The following FGF14 variants were observed in gnomAD, a reference collection of about 807,000 sequenced individuals.
FGF14 encodes fibroblast growth factor homologous factor 4.
FGF14 carries 5 observed loss-of-function variants against 25.5 expected under a neutral mutation model. The ratio of observed to expected loss-of-function variants is 0.20; its 90% confidence interval spans 0.10 to 0.41. The LOEUF (loss-of-function observed/expected upper bound fraction) is 0.41. Ranked by LOEUF, FGF14 falls within the 10% of genes least tolerant of loss-of-function variation. The pLI is 1.00. For synonymous variants in FGF14, 138 were observed against 118.3 expected (o/e 1.17, Z -1.08); for missense variants, 222 against 320.1 (o/e 0.69, Z 2.34).
chr13:102,162,689 GT>G (rs1287121116), intron 1 of FGF14, among the ~76,000 whole-genome samples: 1 of 152,136 alleles, frequency 6.6e-6, no homozygotes, highest in African/African-American at 2.4e-5. Context: ...GTGAAATTTG[GT>G]TTATAAATGG....
intron 1 of FGF14, among the ~76,000 whole-genome samples, chr13:102,016,650 C>G (rs1245245961): frequency 6.6e-6 from 1 of 152,036 alleles, no homozygotes; most frequent in East Asian, 1.9e-4. Context: ...ATCCTTTCTT[C>G]TTCCTCTTTT....
At chr13:101,808,870 T>C (rs533279977) in intron 3 of FGF14, among the ~76,000 whole-genome samples, 1 of 152,292 alleles carries the variant, frequency 6.6e-6, no homozygotes, top group East Asian at 1.9e-4. Flanking sequence ...AATCATAAAA[T>C]ATAGTAATTT....
chr13:101,834,017 C>A (rs557978293), intron 3 of FGF14, among the ~76,000 whole-genome samples: 2 of 152,092 alleles, frequency 1.3e-5, no homozygotes, highest in African/African-American at 4.8e-5. Context: ...ACCATAGCTG[C>A]TTCATTTCTG....
At chr13:102,221,800 A>T (rs573536003) in intron 1 of FGF14, among the ~76,000 whole-genome samples, 69 of 152,314 alleles carry the variant, frequency 4.5e-4, no homozygotes, top group African/African-American at 1.6e-3. Flanking sequence ...ATTTTATGTC[A>T]TTGCTTAATT....
At chr13:102,010,364 T>C (rs1244055663) in intron 1 of FGF14, among the ~76,000 whole-genome samples, 1 of 152,114 alleles carries the variant, frequency 6.6e-6, no homozygotes, top group Non-Finnish European at 1.5e-5. Flanking sequence ...GAGCACAACA[T>C]TAGCCTGGTT....
At chr13:102,266,719 C>T (rs1339733572) in intron 1 of FGF14, among the ~76,000 whole-genome samples, 6 of 151,922 alleles carry the variant, frequency 3.9e-5, no homozygotes, top group Non-Finnish European at 8.8e-5. Flanking sequence ...CATGAACTCA[C>T]CAATTTCAGA....
intron 1 of FGF14, among the ~76,000 whole-genome samples, chr13:102,275,681 CT>C (rs34894699): frequency 0.21 from 32,406 of 151,946 alleles, 4,087 homozygotes; most frequent in Admixed American, 0.35. Context: ...ACAAATAGGA[CT>C]TCTAAAGTTC....
chr13:101,743,580 G>C (rs1385439014), intron 3 of FGF14, among the ~76,000 whole-genome samples: 1 of 152,148 alleles, frequency 6.6e-6, no homozygotes, highest in African/African-American at 2.4e-5. Flanking sequence ...AAGAAGGCAA[G>C]TGTCACTTGA....
chr13:101,821,776 T>A (rs527298942), intron 3 of FGF14, among the ~76,000 whole-genome samples: 5 of 152,344 alleles, frequency 3.3e-5, no homozygotes, highest in African/African-American at 1.2e-4. Context: ...TTTTAATGAG[T>A]AATGATGCTG....
chr13:102,205,343 C>T (rs1288297290), intron 1 of FGF14, among the ~76,000 whole-genome samples: 2 of 152,024 alleles, frequency 1.3e-5, no homozygotes, highest in East Asian at 3.9e-4. Flanking sequence ...TAACATAAAA[C>T]AAGGCGCACA....
intron 1 of FGF14, among the ~76,000 whole-genome samples, chr13:102,131,619 A>G (rs1439843222): frequency 1.3e-5 from 2 of 152,174 alleles, no homozygotes; most frequent in Non-Finnish European, 2.9e-5. Context: ...TTCTATATGA[A>G]GCTTTGGTCA....
At chr13:102,159,139 CAAA>C (rs1228096265) in intron 1 of FGF14, among the ~76,000 whole-genome samples, 2 of 74,110 alleles carry the variant, frequency 2.7e-5, no homozygotes, top group Non-Finnish European at 5.4e-5. Context: ...GACTCTGTCT[CAAA>C]AAAAAAAAAA....
intron 1 of FGF14, among the ~76,000 whole-genome samples, chr13:102,022,312 G>C (rs903084144): frequency 6.6e-6 from 1 of 152,056 alleles, no homozygotes; most frequent in African/African-American, 2.4e-5. Flanking sequence ...AAAATGAGAG[G>C]AGAGGGAACA....
chr13:101,923,226 T>C, intron 1 of FGF14, among the ~76,000 whole-genome samples: 1 of 152,120 alleles, frequency 6.6e-6, no homozygotes, highest in Admixed American at 6.5e-5. Context: ...TGGTTTCCTT[T>C]GTGAATCACT....
chr13:102,324,386 A>C (rs2138781767), intron 1 of FGF14, among the ~76,000 whole-genome samples: 1 of 152,306 alleles, frequency 6.6e-6, no homozygotes, highest in African/African-American at 2.4e-5. Flanking sequence ...ACCAAGCCTC[A>C]GTTTCTTCAT....
At chr13:102,161,630 AGAAGAAGAAGAAG>A (rs2047710183) in intron 1 of FGF14, among the ~76,000 whole-genome samples, 3 of 9,136 alleles carry the variant, frequency 3.3e-4, no homozygotes. Context: ...AAGAAGAAGA[AGAAGAAGAAGAAG>A]AAGAAGAAGA....
chr13:102,377,912 T>C (rs1260490449), intron 1 of FGF14, among the ~76,000 whole-genome samples: 1 of 152,208 alleles, frequency 6.6e-6, no homozygotes, highest in Non-Finnish European at 1.5e-5. Flanking sequence ...AGTCTCACTG[T>C]AGGCAAAACA....
chr13:101,846,672 C>T (rs1045028825), intron 3 of FGF14, among the ~76,000 whole-genome samples: 10 of 152,132 alleles, frequency 6.6e-5, no homozygotes, highest in Middle Eastern at 6.8e-3. Context: ...TGATAACTTA[C>T]GTCTACATAC....
At chr13:101,988,362 C>T (rs763296792) in intron 1 of FGF14, among the ~76,000 whole-genome samples, 37 of 151,872 alleles carry the variant, frequency 2.4e-4, no homozygotes, top group Non-Finnish European at 1.5e-4. Flanking sequence ...CCATGGATAG[C>T]GCTAAATGAA....
Sources: allele counts gnomAD v4.1 joint callset (sites outside exome capture counted in the v4.1 genomes callset), GRCh38; gene constraint gnomAD v4.1.1; transcripts MANE v1.5; gene names NCBI Gene and HGNC (gene_info 2026-07-23, HGNC 2026-07-21).